CRAMP1: variants seen among roughly 807,000 people sequenced by gnomAD.
CRAMP1 encodes protein cramped-like.
A neutral mutation model predicts 115.4 loss-of-function variants in CRAMP1; 50 were observed. The ratio of observed to expected loss-of-function variants is 0.43; its 90% CI spans 0.35 to 0.55. The LOEUF is 0.55. CRAMP1 is among the 20% of genes least tolerant of loss of function. The probability of loss-of-function intolerance (pLI) is 0.01; values close to 1 mark genes in which losing one functional copy is unlikely to be tolerated. For synonymous variants in CRAMP1, 866 were observed against 745.4 expected (o/e 1.16, Z -2.64); for missense variants, 1,679 against 1,721.7 (o/e 0.98, Z 0.44).
Position 1,672,078 on chromosome 16 carries a change from G to A in CRAMP1, c.3645+1269G>A, listed in dbSNP as rs538315257. On this transcript the variant is annotated intron_variant, in intron 20 of 20. Transcript: ENST00000397412. This position sits in a 1 kb window ranked among gnomAD's most constrained non-coding sequence, Gnocchi z 4.9. ...TGGGCTCTGTGGAGATGGGCGCTGC[G>A]TACGTGCCCTGAGGCAGCATGCTCA... 3.3e-5 allele frequency among the ~76,000 whole-genome samples: 5 copies of A among 152,294 alleles called. No individual in the cohort carries two copies. Among genetic ancestry groups the A allele is most frequent in the East Asian group, 3.9e-4 (2 of 5,184 alleles).
In CRAMP1 at chr16:1,614,095, G is replaced by A. The variant is rs1307256102; in HGVS notation, c.-1-544G>A. ...CGCGTGGGGCAGGTGCGCGGGGCCC[G>A]GGAGCCCCGCGCCTTTCGGGGGGCG... On this transcript the variant is annotated intron_variant, in intron 1 of 20. Coordinates refer to ENST00000397412, the MANE Select transcript of CRAMP1 (RefSeq NM_020825.4). The surrounding 1 kb of genome is among the most constrained non-coding windows in gnomAD (Gnocchi z 4.4). Among the ~76,000 whole-genome samples the A allele has an allele frequency of 4.2e-5, 6 of 144,542 alleles. No individual in the cohort carries two copies. Among genetic ancestry groups the A allele is most frequent in the Non-Finnish European group, 7.7e-5 (5 of 64,638 alleles). 94.8% of individuals were successfully genotyped at this position (144,542 alleles called of 152,430 possible). A position where few individuals can be genotyped will look rare whatever the true frequency, so the allele number is the denominator to read the frequency against.
At chr16:1,632,812 C>T (rs888410742) in intron 4 of CRAMP1, among the ~76,000 whole-genome samples, 1 of 152,338 alleles carries the variant, frequency 6.6e-6, no homozygotes, top group East Asian at 1.9e-4. Flanking sequence ...CCCAGGTCTG[C>T]GTCGGCCCTC....
Position 1,614,814 on chromosome 16 carries a change from C to CCCCCCGCGCCCCCCGGCGCG in CRAMP1, c.178_197dup (p.Gln67ProfsTer87). ...GACCCCCCGGGCCGGCGCCGACGGC[C>CCCCCCGCGCCCCCCGGCGCG]CCCCCGCGCCCCCCGGCGCGCCGCA... On this transcript the variant is annotated frameshift_variant, in exon 2 of 21. Transcript: ENST00000397412. LOFTEE classifies it high-confidence loss of function. This position sits in a 1 kb window ranked among gnomAD's most constrained non-coding sequence, Gnocchi z 4.4. 1 of 1,267,438 alleles carries CCCCCCGCGCCCCCCGGCGCG rather than the reference C, an allele frequency of 7.9e-7. No individual in the cohort carries two copies. The highest frequency in any genetic ancestry group is 9.9e-7 in the Non-Finnish European group (1 of 1,010,248). The allele number at this position is 1,267,438 out of a possible 1,614,324, so 78.5% of individuals were successfully genotyped here.
rs1596499006 is a variant in CRAMP1, at chr16:1,668,090, C to T, written c.3231C>T (p.Asp1077=). 2 of 1,613,836 alleles carry T rather than the reference C, an allele frequency of 1.2e-6. No homozygotes were observed. Among genetic ancestry groups the T allele is most frequent in the Middle Eastern group, 1.6e-4 (1 of 6,062 alleles). ...LSPPDVSALL[D]ISLPGPPEDA... ...CACCAGACGTCTCTGCTCTGCTCGA[C>T]ATCTCCCTGCCCGGCCCACCTGAGG... The change falls in exon 18 of 21, where the codon GAC becomes GAT. Residue 1077 remains aspartate, a synonymous_variant. Coordinates refer to ENST00000397412, the MANE Select transcript of CRAMP1 (RefSeq NM_020825.4).
At chr16:1,637,527 C>T (rs890361758) in intron 4 of CRAMP1, among the ~76,000 whole-genome samples, 1 of 152,232 alleles carries the variant, frequency 6.6e-6, no homozygotes, top group Non-Finnish European at 1.5e-5. Context: ...CATCTGCCAC[C>T]TTCACGAGTA....
intron 11 of CRAMP1, among the ~76,000 whole-genome samples, chr16:1,660,366 G>A (rs2036818063): frequency 6.6e-6 from 1 of 152,188 alleles, no homozygotes; most frequent in Non-Finnish European, 1.5e-5. Flanking sequence ...CCTTGCTAAT[G>A]TGCTGAGTTG....
intron 2 of CRAMP1, among the ~76,000 whole-genome samples, chr16:1,619,395 G>C (rs1172791995): frequency 6.6e-6 from 1 of 152,110 alleles, no homozygotes; most frequent in African/African-American, 2.4e-5. Context: ...GGCCCAGGCT[G>C]GTCTCGAACT....
At position 1,677,834 on chromosome 16, in the gene CRAMP1, A is replaced by G. The variant is rs2036983470; in HGVS notation, c.*3789A>G. On this transcript the variant is annotated 3_prime_UTR_variant, in exon 21 of 21. Transcript: ENST00000397412. ...GTTATTTAATATAATAAGAGCTGTT[A>G]AACTTCTGTTTAAATTTCCAGTTCA... 1 of 153,844 alleles carries G rather than the reference A, an allele frequency of 6.5e-6. No individual in the cohort carries two copies. The highest frequency in any genetic ancestry group is 1.5e-5 in the Non-Finnish European group (1 of 68,882). 9.5% of individuals were successfully genotyped at this position (153,844 alleles called of 1,614,324 possible).
intron 6 of CRAMP1, among the ~76,000 whole-genome samples, chr16:1,645,122 G>A (rs934044843): frequency 1.3e-5 from 2 of 151,792 alleles, no homozygotes; most frequent in Admixed American, 6.6e-5. Flanking sequence ...GAAAAACTGT[G>A]TACAGAGCTA....
Position 1,614,804 on chromosome 16 carries a change from C to A in CRAMP1, c.165C>A (p.Gly55=). The A allele has an allele frequency of 7.8e-7, 1 of 1,283,348 alleles. No homozygotes were observed. The highest frequency in any genetic ancestry group is 3.0e-5 in the South Asian group (1 of 33,424). 79.5% of individuals were successfully genotyped at this position (1,283,348 alleles called of 1,614,324 possible). A position where few individuals can be genotyped will look rare whatever the true frequency, so the allele number is the denominator to read the frequency against. ...TKRDEKTPRA[G]ADGPPAPPGA... ...GGGACGAGAAGACCCCCCGGGCCGG[C>A]GCCGACGGCCCCCCCGCGCCCCCCG... The change falls in exon 2 of 21, where the codon GGC becomes GGA. Residue 55 remains glycine, a synonymous_variant. Coordinates refer to ENST00000397412, the MANE Select transcript of CRAMP1 (RefSeq NM_020825.4). This position sits in a 1 kb window ranked among gnomAD's most constrained non-coding sequence, Gnocchi z 4.4.
At chr16:1,655,136 T>C (rs1390379948) in intron 8 of CRAMP1, 83 bp from the exon 9 acceptor site, 13 of 1,240,196 alleles carry the variant, frequency 1.0e-5, no homozygotes, top group Non-Finnish European at 1.4e-5. Flanking sequence ...GGCACCCTCC[T>C]GCTGTAAGCA....
chr16:1,653,834 AAAAC>A (rs1430900383), intron 8 of CRAMP1, among the ~76,000 whole-genome samples: 30 of 145,584 alleles, frequency 2.1e-4, no homozygotes, highest in South Asian at 1.5e-3. Context: ...AAAAAAAAAA[AAAAC>A]AAACAAAAAA....
At chr16:1,650,158 G>GTAT (rs1207376444) in intron 6 of CRAMP1, among the ~76,000 whole-genome samples, 2 of 152,170 alleles carry the variant, frequency 1.3e-5, no homozygotes, top group African/African-American at 4.8e-5. Flanking sequence ...TCTTTGTGGG[G>GTAT]TATTGAGACT....
rs190617680 is a variant in CRAMP1, at chr16:1,665,515, G to T, written c.2752+377G>T. On this transcript the variant is annotated intron_variant, in intron 14 of 20. Coordinates refer to ENST00000397412, the MANE Select transcript of CRAMP1 (RefSeq NM_020825.4). ...GCTTCCATCAGTCTGTACATTTAGT[G>T]GGGGCCTTGGCTCCTTGCGGTAGAT... Among the ~76,000 whole-genome samples, 4 of 152,286 alleles carry T rather than the reference G, an allele frequency of 2.6e-5. No individual in the cohort carries two copies. The East Asian group carries it at 7.7e-4, about 29-fold the overall frequency.
intron 6 of CRAMP1, among the ~76,000 whole-genome samples, chr16:1,642,400 G>A (rs1431043440): frequency 1.3e-5 from 2 of 152,208 alleles, no homozygotes; most frequent in African/African-American, 4.8e-5. Flanking sequence ...CCAGCCTGCA[G>A]CCAACGACTG....
chr16:1,651,697 GACTGAGGTCAC>G (rs1343031522), intron 6 of CRAMP1, among the ~76,000 whole-genome samples: 9 of 148,722 alleles, frequency 6.1e-5, no homozygotes, highest in African/African-American at 2.2e-4. Context: ...CGGAGAGGTG[GACTGAGGTCAC>G]ACAGAGGTCA....
chr16:1,617,114 G>A (rs934981790), intron 2 of CRAMP1, among the ~76,000 whole-genome samples: 10 of 152,202 alleles, frequency 6.6e-5, no homozygotes, highest in African/African-American at 1.2e-4. Context: ...ATGAGCCACC[G>A]CTCCTGGCCA....
Position 1,670,650 on chromosome 16 carries a change from C to A in CRAMP1, c.3500-14C>A, listed in dbSNP as rs1260102829. ...CAGGGTTCAGGGTGTTTTCCTCTGG[C>A]CTTTTCTCCGCAGCAAGCTTCATCT... On this transcript the variant is annotated splice_polypyrimidine_tract_variant and intron_variant, in intron 19 of 20. Transcript: ENST00000397412. 5.0e-6 allele frequency: 8 copies of A among 1,613,632 alleles called. No homozygotes were observed. The highest frequency in any genetic ancestry group is 6.8e-6 in the Non-Finnish European group (8 of 1,179,644).
Position 1,614,520 on chromosome 16 carries a change from C to T in CRAMP1, c.-1-119C>T, listed in dbSNP as rs2036399382. 4 of 496,780 alleles carry T rather than the reference C, an allele frequency of 8.1e-6. No homozygotes were observed. The highest frequency in any genetic ancestry group is 1.8e-4 in the South Asian group (2 of 11,248). 30.8% of individuals were successfully genotyped at this position (496,780 alleles called of 1,614,324 possible). ...TCGGGCGGGCTCGGGCGGGCCGGGC[C>T]GAGCCGCCGAGAGGGGATTTGGAAC... On this transcript the variant is annotated intron_variant, in intron 1 of 20. Transcript: ENST00000397412. This position sits in a 1 kb window ranked among gnomAD's most constrained non-coding sequence, Gnocchi z 4.4.
Sources: allele counts gnomAD v4.1 joint callset (sites outside exome capture counted in the v4.1 genomes callset), GRCh38; gene constraint gnomAD v4.1.1; non-coding constraint Gnocchi (gnomAD v3.1); transcripts MANE v1.5; gene names NCBI Gene and HGNC (gene_info 2026-07-23, HGNC 2026-07-21).